The following SYNJ1 variants were observed in gnomAD, a reference collection of about 807,000 sequenced individuals.
The protein encoded by SYNJ1 is polyphosphatidylinositol phosphatase SYNJ1.
SYNJ1 carries 78 observed loss-of-function variants against 168.2 expected under a neutral mutation model. The observed-to-expected ratio is 0.46, with a 90% CI of 0.39 to 0.56. The LOEUF (loss-of-function observed/expected upper bound fraction) is 0.56. SYNJ1 is among the 20% of genes least tolerant of loss of function. SYNJ1 has a pLI of 0.00. For missense variants in SYNJ1, 1,303 were observed against 1,597.6 expected (o/e 0.82, Z 3.14); for synonymous variants, 539 against 548.6 (o/e 0.98, Z 0.24).
chr21:32,661,545 C>T (rs776097192), intron 18 of SYNJ1, among the ~76,000 whole-genome samples: 67 of 152,036 alleles, frequency 4.4e-4, no homozygotes, highest in Non-Finnish European at 8.1e-4. Flanking sequence ...GCTCACATAA[C>T]GGGCCGGTGT....
intron 2 of SYNJ1, among the ~76,000 whole-genome samples, chr21:32,724,972 G>A (rs921910797): frequency 1.3e-5 from 2 of 152,072 alleles, no homozygotes; most frequent in African/African-American, 4.8e-5. Context: ...TCCTTAGAAT[G>A]CACATTAATG....
chr21:32,678,088 A>C (rs972121781), intron 12 of SYNJ1, among the ~76,000 whole-genome samples: 1 of 152,106 alleles, frequency 6.6e-6, no homozygotes. Context: ...GAAGGTGAAA[A>C]CCTATTCTGA....
At chr21:32,639,541 G>A in intron 30 of SYNJ1, 130 bp downstream of exon 30, 2 of 697,520 alleles carry the variant, frequency 2.9e-6, no homozygotes, top group Non-Finnish European at 4.8e-6. Flanking sequence ...ACAGGCATGT[G>A]CCATCACCCC....
Position 32,656,700 on chromosome 21 carries a change from C to T in SYNJ1, c.2782G>A (p.Val928Ile), listed in dbSNP as rs1327987813. ...LLQQFASFGE[V>I]ILIRFVEDKM... ...TAAACATCTTACCTTATAAGTATAA[C>T]TTCACCAAAACTTGCAAACTGCTGC... Residue 928 changes from valine (V) to isoleucine (I), a missense_variant, in exon 21 of 33, where the codon GTT becomes ATT. By Grantham distance (29) the Val-to-Ile change is conservative. This residue lies in a region of SYNJ1 where 920 missense variants were observed against 1,208.8 expected (regional missense o/e 0.76). Coordinates refer to ENST00000674351, the MANE Select transcript of SYNJ1 (RefSeq NM_203446.3). 4 of 1,613,154 alleles carry T rather than the reference C, an allele frequency of 2.5e-6. No individual in the cohort carries two copies. In the Admixed American group the frequency reaches 6.7e-5, roughly 27 times the overall value.
At chr21:32,673,819 GAACA>G (rs1474280206) in intron 13 of SYNJ1, among the ~76,000 whole-genome samples, 2 of 150,258 alleles carry the variant, frequency 1.3e-5, no homozygotes, top group African/African-American at 4.9e-5. Context: ...GCAACATGCA[GAACA>G]AATAGTTCTG....
At chr21:32,718,520 A>C (rs2146356867) in intron 2 of SYNJ1, among the ~76,000 whole-genome samples, 1 of 152,316 alleles carries the variant, frequency 6.6e-6, no homozygotes, top group Non-Finnish European at 1.5e-5. Flanking sequence ...GATATATAAC[A>C]AGTCTAAATT....
rs111322794 is a variant in SYNJ1 at position 32,640,294 on chromosome 21, G to GT, written c.3589-516dup. ...TTGGGGAAAAAACACCCTGAGATTT[G>GT]TTTTTTTTTTGGTTTTTTTTTGAGA... On this transcript the variant is annotated intron_variant, in intron 29 of 32. Coordinates refer to ENST00000674351, the MANE Select transcript of SYNJ1 (RefSeq NM_203446.3). Among the ~76,000 whole-genome samples the GT allele has an allele frequency of 5.3e-4, 77 of 143,998 alleles. 1 individual carries two copies. Among genetic ancestry groups the GT allele is most frequent in the Middle Eastern group, 3.5e-3 (1 of 286 alleles). The allele number at this position is 143,998 out of a possible 152,430, so 94.5% of individuals were successfully genotyped here.
At chr21:32,642,251 C>G (rs1375970438) in intron 27 of SYNJ1, 118 bp from the exon 28 acceptor site, 44 of 1,052,386 alleles carry the variant, frequency 4.2e-5, no homozygotes, top group Non-Finnish European at 5.8e-5. Context: ...GAGATGGTAA[C>G]AAAACAAAGC....
intron 3 of SYNJ1, among the ~76,000 whole-genome samples, chr21:32,700,964 AG>A (rs2042380337): frequency 6.6e-6 from 1 of 152,248 alleles, no homozygotes; most frequent in Non-Finnish European, 1.5e-5. Flanking sequence ...ATTAGTATAA[AG>A]TTGAAATTGA....
chr21:32,656,082 C>T (rs1185608247), intron 21 of SYNJ1, among the ~76,000 whole-genome samples: 2 of 152,130 alleles, frequency 1.3e-5, no homozygotes, highest in Non-Finnish European at 2.9e-5. Context: ...GTATAGGAAT[C>T]GTGAGAGTTC....
intron 4 of SYNJ1, among the ~76,000 whole-genome samples, chr21:32,697,284 C>T (rs753457064): frequency 5.3e-5 from 8 of 152,276 alleles, no homozygotes; most frequent in African/African-American, 1.7e-4. Context: ...GAAAATATTG[C>T]TACTAAGTGC....
chr21:32,643,962 C>A (rs913808678), intron 26 of SYNJ1, among the ~76,000 whole-genome samples: 1 of 152,094 alleles, frequency 6.6e-6, no homozygotes, highest in Admixed American at 6.5e-5. Flanking sequence ...ACACTACTTA[C>A]AAAAGAATTA....
Position 32,665,064 on chromosome 21 carries a change from A to G in SYNJ1, c.2153T>C (p.Met718Thr). 6.3e-7 allele frequency: 1 copy of G among 1,591,528 alleles called. No homozygotes were observed. Among genetic ancestry groups the G allele is most frequent in the Non-Finnish European group, 8.6e-7 (1 of 1,168,768 alleles). ...AAATACATAGTCATGGGAAAATAGC[A>G]TCCTTCCCTGAAAGCAATGAGATAG... ...ARKLSFPMGR[M>T]LFSHDYVFWC... Residue 718 changes from methionine (M) to threonine (T), a missense_variant, in exon 18 of 33, where the codon ATG becomes ACG. By Grantham distance (81) the Met-to-Thr change is moderately conservative. Around this residue, in one of 2 missense-constraint regions of SYNJ1, gnomAD observed 920 missense variants for 1,208.8 expected, o/e 0.76. Coordinates refer to ENST00000674351, the MANE Select transcript of SYNJ1 (RefSeq NM_203446.3).
chr21:32,645,582 A>C, intron 25 of SYNJ1, 64 bp downstream of exon 25: 1 of 1,447,822 alleles, frequency 6.9e-7, no homozygotes, highest in Non-Finnish European at 9.0e-7. Flanking sequence ...GAAAACATGC[A>C]AAACATTTTA....
At chr21:32,637,098 G>A (rs895013489) in intron 31 of SYNJ1, among the ~76,000 whole-genome samples, 14 of 152,024 alleles carry the variant, frequency 9.2e-5, no homozygotes, top group African/African-American at 3.4e-4. Context: ...TTGCACCTCC[G>A]GAAGTTTTTC....
intron 12 of SYNJ1, among the ~76,000 whole-genome samples, chr21:32,677,849 G>A (rs1422268325): frequency 6.6e-6 from 1 of 151,964 alleles, no homozygotes; most frequent in Non-Finnish European, 1.5e-5. Context: ...CACTTGAACA[G>A]GGAACATTAA....
At chr21:32,668,912 A>G (rs2041067939) in intron 15 of SYNJ1, among the ~76,000 whole-genome samples, 1 of 152,172 alleles carries the variant, frequency 6.6e-6, no homozygotes, top group Non-Finnish European at 1.5e-5. Context: ...AATGGGTAAA[A>G]GTGCTGGTGC....
intron 11 of SYNJ1, among the ~76,000 whole-genome samples, chr21:32,680,918 A>T (rs1039631553): frequency 3.9e-5 from 6 of 152,186 alleles, no homozygotes; most frequent in Non-Finnish European, 5.9e-5. Context: ...CACCTGGCCC[A>T]TATCTCACAC....
intron 13 of SYNJ1, among the ~76,000 whole-genome samples, chr21:32,674,257 T>C (rs2041316078): frequency 6.6e-6 from 1 of 152,200 alleles, no homozygotes; most frequent in Non-Finnish European, 1.5e-5. Context: ...ACAGGGCCTT[T>C]GCACTGGCTG....
Sources: allele counts gnomAD v4.1 joint callset (sites outside exome capture counted in the v4.1 genomes callset), GRCh38; gene constraint gnomAD v4.1.1; regional missense constraint gnomAD v4.1.1; transcripts MANE v1.5; gene names NCBI Gene and HGNC (gene_info 2026-07-23, HGNC 2026-07-21).